Variants in FAM174B observed in about 807,000 individuals in gnomAD.
FAM174B encodes membrane protein FAM174B.
FAM174B carries 12 observed loss-of-function variants against 10.9 expected under a neutral mutation model. The observed-to-expected ratio is 1.10, with a 90% CI of 0.71 to 1.79. FAM174B has a LOEUF of 1.79. Among genes scored for constraint, FAM174B ranks in the 40% most tolerant of loss-of-function variants. The pLI, the probability that FAM174B is intolerant of heterozygous loss-of-function variation, is 0.00. For missense variants in FAM174B, 266 were observed against 233.3 expected (o/e 1.14, Z -0.91); for synonymous variants, 132 against 115.8 (o/e 1.14, Z -0.90).
chr15:92,630,588 C>A (rs1475728464), intron 1 of FAM174B, among the ~76,000 whole-genome samples: 1 of 151,726 alleles, frequency 6.6e-6, no homozygotes, highest in African/African-American at 2.4e-5. Context: ...CATGGGACCT[C>A]AAGTGAGTGA....
At chr15:92,630,057 C>T (rs894028039) in intron 2 of FAM174B, 157 bp downstream of exon 2, 1 of 564,822 alleles carries the variant, frequency 1.8e-6, no homozygotes, top group Non-Finnish European at 3.1e-6. Flanking sequence ...TGAAAATGGA[C>T]TAACACAAGA....
Position 92,655,245 on chromosome 15 carries a change from G to T in FAM174B, c.344+71C>A. 8 of 1,440,436 alleles carry T rather than the reference G, an allele frequency of 5.6e-6. No homozygotes were observed. The South Asian group carries it at 1.0e-4, about 19-fold the overall frequency. 89.2% of individuals were successfully genotyped at this position (1,440,436 alleles called of 1,614,324 possible). On this transcript the variant is annotated intron_variant, in intron 1 of 2. Transcript: ENST00000327355. The stretch of plus-strand genomic sequence containing the variant: ...ACCTGTGCGTGCAGGTGGGGCGGGC[G>T]CGCGGCGACAGCAGGTTGGCGATGC...
rs771230399 is a variant in FAM174B, at chr15:92,655,690, G to A, written c.-31C>T. 12 of 1,236,738 alleles carry A rather than the reference G, an allele frequency of 9.7e-6. No homozygotes were observed. The highest frequency in any genetic ancestry group is 3.3e-5 in the East Asian group (1 of 30,668). 76.6% of individuals were successfully genotyped at this position (1,236,738 alleles called of 1,614,324 possible). On this transcript the variant is annotated 5_prime_UTR_variant, in exon 1 of 3. Coordinates refer to ENST00000327355, the MANE Select transcript of FAM174B (RefSeq NM_207446.3). Reference sequence around the variant, plus strand: ...GGTGGGTCGGCACAGGATCGGGCAGGGCGCGCGCGGCTGAGCTCCAGGATC... The same window carrying A: ...GGTGGGTCGGCACAGGATCGGGCAGAGCGCGCGCGGCTGAGCTCCAGGATC...
intron 1 of FAM174B, among the ~76,000 whole-genome samples, chr15:92,651,340 G>A (rs766161873): frequency 3.9e-4 from 59 of 152,162 alleles, no homozygotes; most frequent in Non-Finnish European, 5.4e-4. Context: ...CCAAGAATGC[G>A]GCCAGGAGCT....
intron 1 of FAM174B, among the ~76,000 whole-genome samples, chr15:92,648,699 G>A (rs1008754727): frequency 6.6e-6 from 1 of 152,032 alleles, no homozygotes; most frequent in African/African-American, 2.4e-5. Flanking sequence ...CTACCTGAGA[G>A]GGAGGGGTCT....
intron 1 of FAM174B, among the ~76,000 whole-genome samples, chr15:92,635,328 A>G (rs113768634): frequency 2.6e-5 from 4 of 152,186 alleles, no homozygotes; most frequent in African/African-American, 9.7e-5. Flanking sequence ...CAACTCTCTG[A>G]AACACAACTC....
intron 2 of FAM174B, among the ~76,000 whole-genome samples, chr15:92,620,208 A>G (rs2050710036): frequency 6.6e-6 from 1 of 152,230 alleles, no homozygotes; most frequent in Admixed American, 6.5e-5. Flanking sequence ...AGAAAACATA[A>G]GAAGTACAAG....
chr15:92,655,696 C>A lies in FAM174B; in HGVS notation c.-37G>T. ...TCGGCACAGGATCGGGCAGGGCGCG[C>A]GCGGCTGAGCTCCAGGATCCGCACC... is the stretch of plus-strand genomic sequence containing the variant. On this transcript the variant is annotated 5_prime_UTR_variant, in exon 1 of 3. Coordinates refer to ENST00000327355, the MANE Select transcript of FAM174B (RefSeq NM_207446.3). 1 of 1,233,626 alleles carries A rather than the reference C, an allele frequency of 8.1e-7. No homozygotes were observed. Among genetic ancestry groups the A allele is most frequent in the Non-Finnish European group, 1.0e-6 (1 of 988,552 alleles). 76.4% of individuals were successfully genotyped at this position (1,233,626 alleles called of 1,614,324 possible). A position where few individuals can be genotyped will look rare whatever the true frequency, so the allele number is the denominator to read the frequency against.
chr15:92,654,887 TAGAC>T lies in FAM174B; in HGVS notation c.344+425_344+428del, dbSNP rs1388900416. On this transcript the variant is annotated intron_variant, in intron 1 of 2. Coordinates refer to ENST00000327355, the MANE Select transcript of FAM174B (RefSeq NM_207446.3). The stretch of plus-strand genomic sequence containing the variant: ...GGAGAGGGAGTAGCGAGATTAAAGT[TAGAC>T]AGGCCTGGGTTCAAGTCCTACCTCC... Among the ~76,000 whole-genome samples the T allele has an allele frequency of 4.6e-5, 7 of 152,044 alleles. No individual in the cohort carries two copies. In the East Asian group the frequency reaches 7.7e-4, roughly 17 times the overall value.
At chr15:92,647,049 G>T (rs2050933100) in intron 1 of FAM174B, among the ~76,000 whole-genome samples, 1 of 152,220 alleles carries the variant, frequency 6.6e-6, no homozygotes, top group South Asian at 2.1e-4. Context: ...TACAGAGCTT[G>T]ACTCTTTTTG....
intron 1 of FAM174B, among the ~76,000 whole-genome samples, chr15:92,654,629 G>A (rs2050988448): frequency 6.6e-6 from 1 of 152,076 alleles, no homozygotes; most frequent in Admixed American, 6.5e-5. Context: ...GCCTAGGAAA[G>A]CCGTCTGTGT....
intron 1 of FAM174B, among the ~76,000 whole-genome samples, chr15:92,638,840 T>C (rs186485273): frequency 9.9e-4 from 150 of 152,264 alleles, no homozygotes; most frequent in African/African-American, 3.3e-3. Flanking sequence ...CCCCTCTTCA[T>C]AGGCACATCC....
At position 92,617,737 on chromosome 15, in the gene FAM174B, G is replaced by C; in HGVS notation, c.*1719C>G. ...GTCACCACTCAGGCCTGAGTACACC[G>C]TGGAGAGGAGAGATAAAGCAGCCAC... On this transcript the variant is annotated 3_prime_UTR_variant, in exon 3 of 3. Coordinates refer to ENST00000327355, the MANE Select transcript of FAM174B (RefSeq NM_207446.3). The C allele has an allele frequency of 1.6e-6, 1 of 619,038 alleles. No homozygotes were observed. The highest frequency in any genetic ancestry group is 2.9e-6 in the Non-Finnish European group (1 of 348,310). The allele number at this position is 619,038 out of a possible 1,614,324, so 38.3% of individuals were successfully genotyped here.
Position 92,620,814 on chromosome 15 carries a change from C to CAAAA in FAM174B, c.477-1359_477-1356dup, listed in dbSNP as rs34607670. Among the ~76,000 whole-genome samples the CAAAA allele has an allele frequency of 3.8e-3, 268 of 71,320 alleles. 13 individuals carry two copies. The highest frequency in any genetic ancestry group is 0.013 in the African/African-American group (213 of 16,984). The allele number at this position is 71,320 out of a possible 152,430, so 46.8% of individuals were successfully genotyped here. The stretch of plus-strand genomic sequence containing the variant: ...TGGATGACAGAGCAAGACTCTGTCT[C>CAAAA]AAAAAAAAAAAAAAAAAAAAAAAAC... On this transcript the variant is annotated intron_variant, in intron 2 of 2. Coordinates refer to ENST00000327355, the MANE Select transcript of FAM174B (RefSeq NM_207446.3).
Position 92,655,487 on chromosome 15 carries a change from C to T in FAM174B, c.173G>A (p.Gly58Glu). ...GPGPGNTTRF[G>E]SGAAGGSGSS... ...GCCGCTGCCGCCCGCCGCCCCAGAC[C>T]CAAACCGGGTGGTGTTCCCGGGCCC... The change falls in exon 1 of 3, where the codon GGG (glycine) becomes GAG (glutamate). Residue 58 changes from glycine to glutamate, a missense_variant. Coordinates refer to ENST00000327355, the MANE Select transcript of FAM174B (RefSeq NM_207446.3). 2 of 1,540,716 alleles carry T rather than the reference C, an allele frequency of 1.3e-6. No individual in the cohort carries two copies. The highest frequency in any genetic ancestry group is 1.7e-6 in the Non-Finnish European group (2 of 1,146,158).
chr15:92,646,378 T>A (rs1358354758), intron 1 of FAM174B, among the ~76,000 whole-genome samples: 2 of 152,214 alleles, frequency 1.3e-5, no homozygotes, highest in Non-Finnish European at 2.9e-5. Flanking sequence ...CTTCCCCAGC[T>A]GCTCATCCTT....
intron 2 of FAM174B, 62 bp from the exon 3 acceptor site, chr15:92,619,521 C>A: frequency 6.4e-7 from 1 of 1,570,826 alleles, no homozygotes. Context: ...CCATTCTGAC[C>A]CCTCCTGAAC....
rs568052713 is a variant in FAM174B at position 92,626,828 on chromosome 15, G to A, written c.476+3386C>T. 9.9e-5 allele frequency among the ~76,000 whole-genome samples: 15 copies of A among 152,154 alleles called. No homozygotes were observed. In the South Asian group the frequency reaches 3.1e-3, roughly 32 times the overall value. On this transcript the variant is annotated intron_variant, in intron 2 of 2. Coordinates refer to ENST00000327355, the MANE Select transcript of FAM174B (RefSeq NM_207446.3). The stretch of plus-strand genomic sequence containing the variant: ...AGCACTTTGGGAGGCCGAGGCGGGT[G>A]GATCACGAGGTCAAGAGATCGAGAC...
rs534797875 is a variant in FAM174B at position 92,647,410 on chromosome 15, TA to T, written c.344+7905del. Among the ~76,000 whole-genome samples the T allele has an allele frequency of 1.1e-4, 17 of 152,146 alleles. No homozygotes were observed. In the South Asian group the frequency reaches 3.5e-3, roughly 32 times the overall value. On this transcript the variant is annotated intron_variant, in intron 1 of 2. Transcript: ENST00000327355. ...ATTGGACGGCTCCTTATCTGCCAAG[TA>T]GAATCATTCAAGCCATAAGCCAAAA...
Sources: gnomAD v4.1 joint callset for allele counts (sites outside exome capture counted in the v4.1 genomes callset) on GRCh38, gnomAD v4.1.1 for gene constraint, MANE v1.5 for transcripts, NCBI Gene and HGNC (gene_info 2026-07-23, HGNC 2026-07-21) for gene names.